The following DLGAP2 variants were observed in gnomAD, a reference collection of about 807,000 sequenced individuals.
DLGAP2 encodes the protein disks large-associated protein 2.
Under a neutral mutation model 100.3 loss-of-function variants are expected in DLGAP2, and 26 were observed. The observed-to-expected ratio is 0.26, with a 90% CI of 0.19 to 0.36. The LOEUF (loss-of-function observed/expected upper bound fraction) is 0.36, where lower values mean the gene tolerates loss of function less well. Among genes scored for constraint, DLGAP2 ranks in the 10% least tolerant of loss-of-function variants. The pLI, the probability that DLGAP2 is intolerant of heterozygous loss-of-function variation, is 1.00. For missense variants in DLGAP2, 1,858 were observed against 1,453.2 expected (o/e 1.28, Z -4.53); for synonymous variants, 886 against 630.1 (o/e 1.41, Z -6.08).
intron 2 of DLGAP2, among the ~76,000 whole-genome samples, chr8:962,486 G>C (rs1003845140): frequency 1.3e-5 from 2 of 152,178 alleles, no homozygotes; most frequent in Admixed American, 1.3e-4. Context: ...GCGCTGCTGG[G>C]AGTCCATGCT....
rs551607814 is a variant in DLGAP2 at position 1,189,046 on chromosome 8, T to C, written c.74-69805T>C. Among the ~76,000 whole-genome samples the C allele has an allele frequency of 3.1e-4, 45 of 146,294 alleles. 1 individual carries two copies. Among genetic ancestry groups the C allele is most frequent in the Non-Finnish European group, 6.1e-4 (41 of 67,440 alleles). The stretch of plus-strand genomic sequence containing the variant: ...TCGGGCCCCATGGCGGTTCCGCTGT[T>C]GGGGTTGAGCATACACAGGGTTCGG... On this transcript the variant is annotated intron_variant, in intron 2 of 14. Coordinates refer to ENST00000637795, the MANE Select transcript of DLGAP2 (RefSeq NM_001346810.2).
At chr8:1,365,936 G>C (rs1802098540) in intron 3 of DLGAP2, among the ~76,000 whole-genome samples, 1 of 152,228 alleles carries the variant, frequency 6.6e-6, no homozygotes, top group Non-Finnish European at 1.5e-5. Flanking sequence ...CATGCCTGTA[G>C]CTTCACGTCT....
chr8:1,386,367 C>G (rs1186146688), intron 3 of DLGAP2, among the ~76,000 whole-genome samples: 1 of 152,224 alleles, frequency 6.6e-6, no homozygotes, highest in East Asian at 1.9e-4. Flanking sequence ...GGAAAACTCC[C>G]ATACACCAGC....
At chr8:1,169,130 A>G (rs1167102930) in intron 2 of DLGAP2, among the ~76,000 whole-genome samples, 2 of 150,892 alleles carry the variant, frequency 1.3e-5, no homozygotes, top group Admixed American at 1.3e-4. Flanking sequence ...ACCATTTATT[A>G]AATAGGGAAT....
At chr8:1,149,646 T>G (rs1244745283) in intron 2 of DLGAP2, among the ~76,000 whole-genome samples, 1 of 152,386 alleles carries the variant, frequency 6.6e-6, no homozygotes, top group African/African-American at 2.4e-5. Context: ...CTGGTCAGAC[T>G]GTATATATTA....
intron 2 of DLGAP2, among the ~76,000 whole-genome samples, chr8:1,190,816 G>T (rs1033642327): frequency 4.6e-5 from 7 of 151,936 alleles, no homozygotes; most frequent in Non-Finnish European, 1.0e-4. Context: ...GGGTCTGTAG[G>T]GGGCAGACCC....
chr8:996,105 T>A (rs1800776496), intron 2 of DLGAP2, among the ~76,000 whole-genome samples: 1 of 152,186 alleles, frequency 6.6e-6, no homozygotes, highest in South Asian at 2.1e-4. Context: ...CAGACCAGTA[T>A]GCTGTGTTCT....
intron 8 of DLGAP2, among the ~76,000 whole-genome samples, chr8:1,646,741 G>T (rs1490266730): frequency 6.6e-6 from 1 of 152,204 alleles, no homozygotes; most frequent in Non-Finnish European, 1.5e-5. Flanking sequence ...CTGCTGACAG[G>T]TCGAGGCTGG....
chr8:1,343,766 G>A (rs922316305), intron 3 of DLGAP2, among the ~76,000 whole-genome samples: 1 of 152,054 alleles, frequency 6.6e-6, no homozygotes, highest in Non-Finnish European at 1.5e-5. Flanking sequence ...CTCTCCAAGA[G>A]GCGGGGGCAG....
chr8:897,052 C>T (rs897143675), intron 1 of DLGAP2, among the ~76,000 whole-genome samples: 43 of 152,126 alleles, frequency 2.8e-4, no homozygotes, highest in African/African-American at 8.2e-4. Context: ...GGAGAATCAT[C>T]GGAGGAAACC....
chr8:1,425,058 A>T (rs1311922991), intron 3 of DLGAP2, among the ~76,000 whole-genome samples: 1 of 152,226 alleles, frequency 6.6e-6, no homozygotes. Flanking sequence ...ACATTTAAAA[A>T]ATTTTTTGCA....
intron 1 of DLGAP2, among the ~76,000 whole-genome samples, chr8:811,558 A>T (rs1019485272): frequency 2.7e-5 from 4 of 148,802 alleles, no homozygotes; most frequent in African/African-American, 7.5e-5. Flanking sequence ...ATGAGCAGGA[A>T]CTATCTGGGG....
intron 2 of DLGAP2, among the ~76,000 whole-genome samples, chr8:1,025,557 G>C (rs564005168): frequency 1.4e-4 from 21 of 152,156 alleles, no homozygotes; most frequent in Admixed American, 2.6e-4. Context: ...TTAAGTGATC[G>C]ATATGGCGGA....
At chr8:824,785 C>G (rs1294797930) in intron 1 of DLGAP2, among the ~76,000 whole-genome samples, 1 of 152,174 alleles carries the variant, frequency 6.6e-6, no homozygotes, top group Non-Finnish European at 1.5e-5. Flanking sequence ...CTCCTGCACC[C>G]CAGGGATGTG....
intron 2 of DLGAP2, among the ~76,000 whole-genome samples, chr8:963,153 G>T (rs1458577083): frequency 6.6e-6 from 1 of 152,156 alleles, no homozygotes; most frequent in African/African-American, 2.4e-5. Flanking sequence ...TGTCGAAGGA[G>T]AGTCCACACC....
intron 2 of DLGAP2, among the ~76,000 whole-genome samples, chr8:1,045,566 A>C (rs940178700): frequency 6.6e-6 from 1 of 152,152 alleles, no homozygotes; most frequent in Non-Finnish European, 1.5e-5. Flanking sequence ...TGCAGTCTCC[A>C]TGCTGGGCAT....
At chr8:1,344,646 C>G (rs148117198) in intron 3 of DLGAP2, among the ~76,000 whole-genome samples, 36 of 152,282 alleles carry the variant, frequency 2.4e-4, no homozygotes, top group Non-Finnish European at 4.1e-4. Context: ...CTGCTACATC[C>G]TAACGCTGGG....
chr8:1,508,277 T>C (rs6994633), intron 4 of DLGAP2, among the ~76,000 whole-genome samples: 31,709 of 66,546 alleles, frequency 0.48, 8,485 homozygotes, highest in Middle Eastern at 0.66. Flanking sequence ...CCCCCTGCCA[T>C]ACCCCGCAAA....
chr8:985,331 C>T (rs1157999996), intron 2 of DLGAP2, among the ~76,000 whole-genome samples: 1 of 152,228 alleles, frequency 6.6e-6, no homozygotes, highest in African/African-American at 2.4e-5. Context: ...ACATAAGCTT[C>T]AGAGTCAGAT....
Sources: allele counts gnomAD v4.1 joint callset (sites outside exome capture counted in the v4.1 genomes callset), GRCh38; gene constraint gnomAD v4.1.1; transcripts MANE v1.5; gene names NCBI Gene and HGNC (gene_info 2026-07-23, HGNC 2026-07-21).